The following PDE8B variants were observed in gnomAD, a reference collection of about 807,000 sequenced individuals.
PDE8B encodes high affinity cAMP-specific and IBMX-insensitive 3',5'-cyclic phosphodiesterase 8B.
In PDE8B, 26 loss-of-function variants were observed where a neutral mutation model predicts 101.3. The ratio of observed to expected loss-of-function variants is 0.26; its 90% CI spans 0.19 to 0.36. The LOEUF is 0.36. PDE8B is among the 10% of genes least tolerant of loss of function. The pLI, the probability that PDE8B is intolerant of heterozygous loss-of-function variation, is 1.00. For missense variants in PDE8B, 810 were observed against 1,163.1 expected (o/e 0.70, Z 4.42); for synonymous variants, 424 against 429.3 (o/e 0.99, Z 0.15).
chr5:77,411,786 C>T (rs895325111), intron 15 of PDE8B, 65 bp downstream of exon 15: 9 of 1,248,590 alleles, frequency 7.2e-6, no homozygotes, highest in Middle Eastern at 1.9e-4. Flanking sequence ...CCCGCTGTTG[C>T]GATTATTGTT....
the PDE8B span, among the ~76,000 whole-genome samples, chr5:77,200,872 C>A: frequency 6.6e-6 from 1 of 152,156 alleles, no homozygotes; most frequent in Non-Finnish European, 1.5e-5. Flanking sequence ...ATCAGTCATG[C>A]CCCCAGTGAC....
At chr5:77,342,014 C>G (rs1277663251) in intron 6 of PDE8B, among the ~76,000 whole-genome samples, 1 of 152,198 alleles carries the variant, frequency 6.6e-6, no homozygotes, top group Non-Finnish European at 1.5e-5. Flanking sequence ...ATCTTCATTT[C>G]TGCAACTATA....
intron 17 of PDE8B, among the ~76,000 whole-genome samples, chr5:77,415,398 C>T (rs1056778591): frequency 5.5e-5 from 8 of 145,508 alleles, no homozygotes; most frequent in Non-Finnish European, 1.0e-4. Flanking sequence ...CACTCTGTCA[C>T]CCAGGTTGGA....
intron 1 of PDE8B, among the ~76,000 whole-genome samples, chr5:77,271,740 A>C (rs914138798): frequency 6.6e-6 from 1 of 152,226 alleles, no homozygotes; most frequent in Non-Finnish European, 1.5e-5. Flanking sequence ...TTGTTCAACA[A>C]TGGGAGCCAC....
chr5:77,290,823 G>A (rs2149939474), intron 1 of PDE8B: 1 of 1,505,560 alleles, frequency 6.6e-7, no homozygotes, highest in Non-Finnish European at 9.2e-7. Context: ...CTGTGGAAAT[G>A]TCTGCCTCTG....
chr5:77,179,023 A>G, the PDE8B span, among the ~76,000 whole-genome samples: 2 of 152,200 alleles, frequency 1.3e-5, no homozygotes, highest in African/African-American at 4.8e-5. Flanking sequence ...CAGCAAGTCA[A>G]GTCACAAGTT....
the PDE8B span, chr5:77,141,068 A>T: frequency 6.6e-6 from 1 of 152,184 alleles, no homozygotes; most frequent in African/African-American, 2.4e-5. Flanking sequence ...ATATTGCTAG[A>T]AGTTCTCTTC....
At chr5:77,313,005 G>A (rs1773019459) in intron 2 of PDE8B, among the ~76,000 whole-genome samples, 1 of 152,112 alleles carries the variant, frequency 6.6e-6, no homozygotes, top group African/African-American at 2.4e-5. Context: ...GTATGAAGAG[G>A]GAGTTTGTAC....
intron 11 of PDE8B, among the ~76,000 whole-genome samples, chr5:77,404,234 T>G (rs1792933439): frequency 2.0e-5 from 3 of 151,988 alleles, no homozygotes; most frequent in Non-Finnish European, 4.4e-5. Context: ...GATCTGCCCG[T>G]CTCAGCCTCC....
At chr5:77,347,361 A>G (rs1263978686) in intron 7 of PDE8B, among the ~76,000 whole-genome samples, 2 of 152,226 alleles carry the variant, frequency 1.3e-5, no homozygotes, top group African/African-American at 4.8e-5. Flanking sequence ...CCTTGGCTCC[A>G]GAATCCATAT....
chr5:77,397,277 G>A (rs149788906), intron 10 of PDE8B, among the ~76,000 whole-genome samples: 119 of 151,990 alleles, frequency 7.8e-4, no homozygotes, highest in African/African-American at 2.6e-3. Context: ...TGATTCACCT[G>A]ACTTGGCCTC....
chr5:77,177,533 C>A, the PDE8B span, among the ~76,000 whole-genome samples: 14 of 152,328 alleles, frequency 9.2e-5, no homozygotes, highest in East Asian at 2.5e-3. Flanking sequence ...CCTCAACATA[C>A]AATTATTTTT....
At chr5:77,156,865 GC>G in the PDE8B span, among the ~76,000 whole-genome samples, 8 of 152,170 alleles carry the variant, frequency 5.3e-5, no homozygotes, top group African/African-American at 1.9e-4. Context: ...CTGGCTGCTG[GC>G]TGTTTCAGCC....
chr5:77,384,630 A>C (rs1788175461), intron 10 of PDE8B, among the ~76,000 whole-genome samples: 1 of 152,128 alleles, frequency 6.6e-6, no homozygotes, highest in Non-Finnish European at 1.5e-5. Flanking sequence ...AGCTGTTACT[A>C]TTTTGAGATA....
In PDE8B at chr5:77,299,154, T is replaced by C. The variant is rs547588828; in HGVS notation, c.340-12840T>C. 1.6e-3 allele frequency among the ~76,000 whole-genome samples: 248 copies of C among 152,322 alleles called. 2 individuals carry two copies. The highest frequency in any genetic ancestry group is 5.7e-3 in the African/African-American group (238 of 41,570). On this transcript the variant is annotated intron_variant, in intron 1 of 21. Coordinates refer to ENST00000264917, the MANE Select transcript of PDE8B (RefSeq NM_003719.5). ...AAGGCCCGTAAGAAATAGTAATGAT[T>C]TTAAACAGGATTCCAGGAGAGTGGA...
At chr5:77,332,466 T>C (rs1398714088) in intron 5 of PDE8B, among the ~76,000 whole-genome samples, 2 of 152,164 alleles carry the variant, frequency 1.3e-5, no homozygotes, top group African/African-American at 4.8e-5. Context: ...AAGATTAAGA[T>C]TGGTTACTCC....
At chr5:77,370,752 T>G (rs1479773536) in intron 10 of PDE8B, among the ~76,000 whole-genome samples, 5 of 152,242 alleles carry the variant, frequency 3.3e-5, no homozygotes. Flanking sequence ...CAAAGTAGTT[T>G]TTAGCATTTG....
At chr5:77,426,216 A>C (rs1402261891) in intron 21 of PDE8B, 4 of 603,720 alleles carry the variant, frequency 6.6e-6, no homozygotes, top group Non-Finnish European at 1.2e-5. Flanking sequence ...AAATGTATTT[A>C]GTTTACTCTG....
chr5:77,361,493 T>G (rs1227381779), intron 10 of PDE8B, among the ~76,000 whole-genome samples: 2 of 151,694 alleles, frequency 1.3e-5, no homozygotes, highest in Non-Finnish European at 2.9e-5. Context: ...TATGTACACC[T>G]TTGTTATTTG....
Sources: gnomAD v4.1 joint callset for allele counts (sites outside exome capture counted in the v4.1 genomes callset) on GRCh38, gnomAD v4.1.1 for gene constraint, MANE v1.5 for transcripts, NCBI Gene and HGNC (gene_info 2026-07-23, HGNC 2026-07-21) for gene names.